SEC22C: variants seen among roughly 807,000 people sequenced by gnomAD.
SEC22C encodes vesicle-trafficking protein SEC22c.
A neutral mutation model predicts 34.7 loss-of-function variants in SEC22C; 29 were observed. The observed-to-expected ratio is 0.84, with a 90% CI of 0.62 to 1.14. The LOEUF is 1.14. SEC22C is among the 50% of genes most tolerant of loss of function. SEC22C has a pLI of 0.00. For synonymous variants in SEC22C, 117 were observed against 132.8 expected, an observed-to-expected ratio of 0.88 and a Z score of 0.82; for missense variants, 337 against 369.0, an observed-to-expected ratio of 0.91 and a Z score of 0.71.
rs1169602815 is a variant in SEC22C at position 42,548,947 on chromosome 3, AC to A, written c.*4300del. ...TACCACTTTTGACCCTCATAACAGCACCCTGGCGGGGGGGCAGATTGATGTT... is the reference window on the plus strand; with the variant it reads ...TACCACTTTTGACCCTCATAACAGCACCTGGCGGGGGGGCAGATTGATGTT... On this transcript the variant is annotated 3_prime_UTR_variant, in exon 7 of 7. Coordinates refer to ENST00000264454, the MANE Select transcript of SEC22C (RefSeq NM_032970.4). The A allele has an allele frequency of 8.4e-7, 1 of 1,192,898 alleles. No homozygotes were observed. Among genetic ancestry groups the A allele is most frequent in the African/African-American group, 1.5e-5 (1 of 65,266 alleles). 73.9% of individuals were successfully genotyped at this position (1,192,898 alleles called of 1,614,324 possible). A position where few individuals can be genotyped will look rare whatever the true frequency, so the allele number is the denominator to read the frequency against.
rs1577279343 is a variant in SEC22C, at chr3:42,549,869, G to C, written c.*3379C>G. 1 of 985,242 alleles carries C rather than the reference G, an allele frequency of 1.0e-6. No homozygotes were observed. The highest frequency in any genetic ancestry group is 1.7e-5 in the African/African-American group (1 of 57,210). The allele number at this position is 985,242 out of a possible 1,614,324, so 61.0% of individuals were successfully genotyped here. A position where few individuals can be genotyped will look rare whatever the true frequency, so the allele number is the denominator to read the frequency against. On this transcript the variant is annotated 3_prime_UTR_variant, in exon 7 of 7. Coordinates refer to ENST00000264454, the MANE Select transcript of SEC22C (RefSeq NM_032970.4). ...ATTCTCCAGAGTTCACAGAAAAGAG[G>C]GATGCAAGCCCAAAAAGCAAAAGCA...
intron 6 of SEC22C, among the ~76,000 whole-genome samples, chr3:42,554,996 C>CA (rs36073859): frequency 0.21 from 31,761 of 151,118 alleles, 3,571 homozygotes; most frequent in East Asian, 0.47. Flanking sequence ...ACAACAACAA[C>CA]AAAAAAATCA....
At position 42,551,445 on chromosome 3, in the gene SEC22C, G is replaced by A. The variant is rs1443287534; in HGVS notation, c.*1803C>T. 4.4e-6 allele frequency: 3 copies of A among 674,964 alleles called. No homozygotes were observed. The African/African-American group carries it at 5.9e-5, about 13-fold the overall frequency. 41.8% of individuals were successfully genotyped at this position (674,964 alleles called of 1,614,324 possible). On this transcript the variant is annotated 3_prime_UTR_variant, in exon 7 of 7. Coordinates refer to ENST00000264454, the MANE Select transcript of SEC22C (RefSeq NM_032970.4). ...AAGCCTCAAACTCCTGGACTCAAGG[G>A]ATCCTCCTGCCTCAGACTCCCAAAG...
At chr3:42,553,808 G>A (rs969908589) in intron 6 of SEC22C, among the ~76,000 whole-genome samples, 9 of 152,344 alleles carry the variant, frequency 5.9e-5, no homozygotes, top group African/African-American at 1.9e-4. Flanking sequence ...TAACGTGACT[G>A]ACTGGCCCCC....
intron 1 of SEC22C, chr3:42,600,826 C>T: frequency 2.4e-6 from 1 of 420,668 alleles, no homozygotes; most frequent in Non-Finnish European, 4.2e-6. Context: ...AGCCGCGAGG[C>T]CCGGGGCGGG....
In SEC22C at chr3:42,550,682, C is replaced by T. The variant is rs996454793; in HGVS notation, c.*2566G>A. 2 of 985,252 alleles carry T rather than the reference C, an allele frequency of 2.0e-6. No homozygotes were observed. Among genetic ancestry groups the T allele is most frequent in the Non-Finnish European group, 1.2e-6 (1 of 829,912 alleles). 61.0% of individuals were successfully genotyped at this position (985,252 alleles called of 1,614,324 possible). A position where few individuals can be genotyped will look rare whatever the true frequency, so the allele number is the denominator to read the frequency against. On this transcript the variant is annotated 3_prime_UTR_variant, in exon 7 of 7. Coordinates refer to ENST00000264454, the MANE Select transcript of SEC22C (RefSeq NM_032970.4). ...ATTCGACCTGGTGTGGATAACATCTCTGGTAGTGCCTCGGTGGTCAGGAAG... is the reference window on the plus strand; with the variant it reads ...ATTCGACCTGGTGTGGATAACATCTTTGGTAGTGCCTCGGTGGTCAGGAAG...
intron 1 of SEC22C, among the ~76,000 whole-genome samples, chr3:42,593,126 G>A (rs1287443154): frequency 6.6e-6 from 1 of 152,164 alleles, no homozygotes; most frequent in African/African-American, 2.4e-5. Flanking sequence ...TGTGAGCCAG[G>A]TGTGGTGGCT....
intron 5 of SEC22C, 102 bp from the exon 6 acceptor site, chr3:42,556,097 G>T: frequency 1.2e-6 from 1 of 845,924 alleles, no homozygotes; most frequent in Non-Finnish European, 1.9e-6. Context: ...ATGGTTGACA[G>T]TACAAAATCC....
intron 1 of SEC22C, among the ~76,000 whole-genome samples, chr3:42,597,535 G>A (rs796403761): frequency 4.0e-4 from 60 of 150,112 alleles, no homozygotes; most frequent in African/African-American, 1.4e-3. Context: ...CAACCTGGGC[G>A]ACGGAGCGAG....
chr3:42,587,208 C>T (rs1704642245), intron 1 of SEC22C, among the ~76,000 whole-genome samples: 1 of 152,196 alleles, frequency 6.6e-6, no homozygotes, highest in African/African-American at 2.4e-5. Context: ...CAGGCTTCAT[C>T]ATTCTTCTGC....
intron 1 of SEC22C, chr3:42,591,201 C>CT (rs71616053): frequency 0.094 from 45,166 of 482,372 alleles, 375 homozygotes; most frequent in Middle Eastern, 0.11. Context: ...CCTTTCTCTC[C>CT]TTTTTTTTTT....
intron 4 of SEC22C, among the ~76,000 whole-genome samples, chr3:42,559,226 A>G (rs1336735080): frequency 6.6e-6 from 1 of 152,222 alleles, no homozygotes; most frequent in East Asian, 1.9e-4. Context: ...GCCTATTGTT[A>G]GTGTGTTAGA....
chr3:42,572,241 A>C (rs1703684993), intron 1 of SEC22C, among the ~76,000 whole-genome samples: 1 of 152,034 alleles, frequency 6.6e-6, no homozygotes, highest in Non-Finnish European at 1.5e-5. Context: ...AAAGCCAAAA[A>C]AACTTTGTTC....
chr3:42,584,475 C>T (rs907600883), upstream of SEC22C, among the ~76,000 whole-genome samples: 2 of 152,136 alleles, frequency 1.3e-5, no homozygotes, highest in African/African-American at 2.4e-5. Flanking sequence ...AGTTTGGTCT[C>T]GAAATCCTGG....
intron 2 of SEC22C, chr3:42,565,937 TC>T (rs1703211249): frequency 2.2e-6 from 1 of 453,788 alleles, no homozygotes; most frequent in Non-Finnish European, 4.4e-6. Flanking sequence ...AATATTTAAT[TC>T]AAAATTACAA....
intron 1 of SEC22C, among the ~76,000 whole-genome samples, chr3:42,574,778 C>A (rs988315142): frequency 1.3e-5 from 2 of 152,142 alleles, no homozygotes; most frequent in Admixed American, 6.6e-5. Flanking sequence ...CCACTAAAAA[C>A]TATACAAAGA....
chr3:42,587,941 T>G (rs993335764), intron 1 of SEC22C, among the ~76,000 whole-genome samples: 9 of 149,204 alleles, frequency 6.0e-5, no homozygotes, highest in Non-Finnish European at 1.0e-4. Flanking sequence ...GGCGTGGTGG[T>G]GCATGCCTGT....
rs755876289 is a variant in SEC22C at position 42,549,578 on chromosome 3, G to A, written c.*3670C>T. On this transcript the variant is annotated 3_prime_UTR_variant, in exon 7 of 7. Transcript: ENST00000264454. ...ACCACCAAGTGTTACTCCTCTCCAA[G>A]ACTTGACTCCCAGGCATGGGTGGGA... is the stretch of plus-strand genomic sequence containing the variant. The A allele has an allele frequency of 6.1e-6, 6 of 984,932 alleles. No homozygotes were observed. The highest frequency in any genetic ancestry group is 7.2e-6 in the Non-Finnish European group (6 of 829,932). The allele number at this position is 984,932 out of a possible 1,614,324, so 61.0% of individuals were successfully genotyped here.
chr3:42,553,197 A>G lies in SEC22C; in HGVS notation c.*51T>C, dbSNP rs1477361568. 6.2e-7 allele frequency: 1 copy of G among 1,603,712 alleles called. No individual in the cohort carries two copies. On this transcript the variant is annotated 3_prime_UTR_variant, in exon 7 of 7. Transcript: ENST00000264454. ...AGTAGAGAAGCAGAAAGAGAAACAT[A>G]GATTGATCCTCAAAAGAAAATCAAA...
Sources: gnomAD v4.1 joint callset for allele counts (sites outside exome capture counted in the v4.1 genomes callset) on GRCh38, gnomAD v4.1.1 for gene constraint, MANE v1.5 for transcripts, NCBI Gene and HGNC (gene_info 2026-07-23, HGNC 2026-07-21) for gene names.